The following FAXC variants were observed in gnomAD, a reference collection of about 807,000 sequenced individuals.
FAXC encodes the protein failed axon connections homolog, metaxin like GST domain containing.
In FAXC, 10 loss-of-function variants were observed where a neutral mutation model predicts 41.9. The ratio of observed to expected loss-of-function variants is 0.24; its 90% CI spans 0.15 to 0.41. The LOEUF (loss-of-function observed/expected upper bound fraction) is 0.41, where lower values mean the gene tolerates loss of function less well. FAXC is among the 10% of genes least tolerant of loss of function. The probability of loss-of-function intolerance (pLI) is 1.00; values close to 1 mark genes in which losing one functional copy is unlikely to be tolerated. For missense variants in FAXC, 399 were observed against 510.9 expected (o/e 0.78, Z 2.11); for synonymous variants, 183 against 183.8 (o/e 1.00, Z 0.03).
At chr6:99,334,994 C>T (rs185926790) in intron 2 of FAXC, among the ~76,000 whole-genome samples, 4 of 152,302 alleles carry the variant, frequency 2.6e-5, no homozygotes, top group Admixed American at 2.6e-4. Flanking sequence ...CTTTTCTCCA[C>T]CCTCTGTAAA....
At chr6:99,343,153 C>T (rs1773482670) in intron 1 of FAXC, 120 bp from the exon 2 acceptor site, 1 of 850,504 alleles carries the variant, frequency 1.2e-6, no homozygotes, top group Non-Finnish European at 1.8e-6. Context: ...ATCTGTTTGT[C>T]ACAGGGGCTT....
intron 3 of FAXC, among the ~76,000 whole-genome samples, chr6:99,329,169 T>C (rs998160593): frequency 6.6e-6 from 1 of 152,230 alleles, no homozygotes; most frequent in Non-Finnish European, 1.5e-5. Flanking sequence ...ACTTATCATT[T>C]TGAGGATCTA....
rs569265111 is a variant in FAXC, at chr6:99,276,482, T to C, written c.*4682A>G. 6.6e-6 allele frequency: 1 copy of C among 152,276 alleles called. No homozygotes were observed. The highest frequency in any genetic ancestry group is 6.5e-5 in the Admixed American group (1 of 15,294). 9.4% of individuals were successfully genotyped at this position (152,276 alleles called of 1,614,324 possible). A position where few individuals can be genotyped will look rare whatever the true frequency, so the allele number is the denominator to read the frequency against. On this transcript the variant is annotated 3_prime_UTR_variant, in exon 6 of 6. Transcript: ENST00000389677. ...ATAAATGACAAGGACAACAACAAAA[T>C]CCTATGACTTTCAAAATTCCAAACC...
intron 4 of FAXC, among the ~76,000 whole-genome samples, chr6:99,296,525 G>T (rs559999173): frequency 7.9e-5 from 12 of 152,204 alleles, no homozygotes; most frequent in African/African-American, 2.9e-4. Context: ...TCAAAGCCCC[G>T]GGTGTGAAGG....
intron 1 of FAXC, among the ~76,000 whole-genome samples, chr6:99,348,288 G>A (rs1397554240): frequency 6.6e-6 from 1 of 152,150 alleles, no homozygotes; most frequent in Non-Finnish European, 1.5e-5. Flanking sequence ...ATTAATTGAT[G>A]TATCAATTAG....
intron 4 of FAXC, among the ~76,000 whole-genome samples, chr6:99,316,268 G>A (rs17533909): frequency 0.36 from 54,755 of 151,640 alleles, 10,635 homozygotes; most frequent in Middle Eastern, 0.46. Context: ...GTTGGTGCTC[G>A]GAGAAGCTTG....
rs906977181 is a variant in FAXC, at chr6:99,299,894, G to A, written c.824-8074C>T. On this transcript the variant is annotated intron_variant, in intron 4 of 5. Coordinates refer to ENST00000389677, the MANE Select transcript of FAXC (RefSeq NM_032511.4). ...ACTATATAGATTGTGATTAGCTCAC[G>A]ATCGCCAATTAGCTCACATTCTGGG... is the stretch of plus-strand genomic sequence containing the variant. Among the ~76,000 whole-genome samples, 9 of 152,076 alleles carry A rather than the reference G, an allele frequency of 5.9e-5. No individual in the cohort carries two copies. The South Asian group carries it at 6.2e-4, about 11-fold the overall frequency.
At chr6:99,335,423 G>A (rs1023538931) in intron 2 of FAXC, among the ~76,000 whole-genome samples, 2 of 152,184 alleles carry the variant, frequency 1.3e-5, no homozygotes, top group African/African-American at 2.4e-5. Context: ...TCACAGGCAC[G>A]TTCCAGCTCA....
chr6:99,296,817 G>C (rs574104823), intron 4 of FAXC, among the ~76,000 whole-genome samples: 9 of 152,184 alleles, frequency 5.9e-5, no homozygotes, highest in African/African-American at 1.9e-4. Context: ...GAGCCCATAG[G>C]GGGAGTAGCA....
At chr6:99,296,892 T>C (rs1771519570) in intron 4 of FAXC, among the ~76,000 whole-genome samples, 2 of 152,178 alleles carry the variant, frequency 1.3e-5, no homozygotes, top group South Asian at 4.1e-4. Flanking sequence ...AAATTTCATA[T>C]GACCTCTCCT....
In FAXC at chr6:99,274,218, A is replaced by G. The variant is rs1770518981; in HGVS notation, c.*6946T>C. ...CAGAAGGGGAATGGGGGACATGAGC[A>G]TAGAAATTAAGATAAAGATAAATGT... On this transcript the variant is annotated 3_prime_UTR_variant, in exon 6 of 6. Transcript: ENST00000389677. 6.6e-6 allele frequency: 1 copy of G among 152,224 alleles called. No individual in the cohort carries two copies. The highest frequency in any genetic ancestry group is 6.5e-5 in the Admixed American group (1 of 15,276). The allele number at this position is 152,224 out of a possible 1,614,324, so 9.4% of individuals were successfully genotyped here. A position where few individuals can be genotyped will look rare whatever the true frequency, so the allele number is the denominator to read the frequency against.
At chr6:99,343,283 A>G (rs559477555) in intron 1 of FAXC, among the ~76,000 whole-genome samples, 3 of 152,302 alleles carry the variant, frequency 2.0e-5, no homozygotes, top group African/African-American at 7.2e-5. Flanking sequence ...CCACTGGCTC[A>G]GCAAAGTAAC....
At chr6:99,298,196 A>T (rs1416186584) in intron 4 of FAXC, among the ~76,000 whole-genome samples, 1 of 151,340 alleles carries the variant, frequency 6.6e-6, no homozygotes, top group Non-Finnish European at 1.5e-5. Context: ...CATTGGTCTT[A>T]AACTTGAGCA....
chr6:99,333,267 G>A, intron 3 of FAXC, 84 bp downstream of exon 3: 1 of 1,202,210 alleles, frequency 8.3e-7, no homozygotes, highest in Non-Finnish European at 1.2e-6. Context: ...GAAAACTGCT[G>A]AAACGGTGGA....
At chr6:99,333,054 T>G (rs1343005193) in intron 3 of FAXC, among the ~76,000 whole-genome samples, 6 of 152,244 alleles carry the variant, frequency 3.9e-5, no homozygotes, top group Non-Finnish European at 4.4e-5. Context: ...TTTGTTGGCA[T>G]ACTCTCTTAT....
In FAXC at chr6:99,280,272, T is replaced by C. The variant is rs1481516260; in HGVS notation, c.*892A>G. 1 of 152,366 alleles carries C rather than the reference T, an allele frequency of 6.6e-6. No homozygotes were observed. The highest frequency in any genetic ancestry group is 2.4e-5 in the African/African-American group (1 of 41,586). The allele number at this position is 152,366 out of a possible 1,614,324, so 9.4% of individuals were successfully genotyped here. On this transcript the variant is annotated 3_prime_UTR_variant, in exon 6 of 6. Coordinates refer to ENST00000389677, the MANE Select transcript of FAXC (RefSeq NM_032511.4). ...CAGCCAAGATTACAGAAAGGAATCA[T>C]GACAAAGTCCTAAGTGTACCTTTGT...
rs1290908195 is a variant in FAXC at position 99,275,157 on chromosome 6, A to C, written c.*6007T>G. 1 of 152,158 alleles carries C rather than the reference A, an allele frequency of 6.6e-6. No homozygotes were observed. Among genetic ancestry groups the C allele is most frequent in the Non-Finnish European group, 1.5e-5 (1 of 68,016 alleles). 9.4% of individuals were successfully genotyped at this position (152,158 alleles called of 1,614,324 possible). On this transcript the variant is annotated 3_prime_UTR_variant, in exon 6 of 6. Transcript: ENST00000389677. ...AGCCACAAATAAAAACAAATAAATA[A>C]AAATAAATGCATGCCAATGGGGGGT...
intron 4 of FAXC, among the ~76,000 whole-genome samples, chr6:99,314,538 C>A (rs1421035642): frequency 1.3e-5 from 2 of 152,186 alleles, no homozygotes; most frequent in African/African-American, 4.8e-5. Flanking sequence ...TGTGTCACTG[C>A]ACTACAGCCT....
Position 99,286,334 on chromosome 6 carries a change from G to A in FAXC, c.941-4881C>T, listed in dbSNP as rs72921070. Reference sequence around the variant, plus strand: ...ATACAAAAACAGGCCAAGGTAATTCGTTCCAGCCCTTTCCTGAAACCCAAA... The same window carrying A: ...ATACAAAAACAGGCCAAGGTAATTCATTCCAGCCCTTTCCTGAAACCCAAA... On this transcript the variant is annotated intron_variant, in intron 5 of 5. Coordinates refer to ENST00000389677, the MANE Select transcript of FAXC (RefSeq NM_032511.4). 1.7e-3 allele frequency among the ~76,000 whole-genome samples: 261 copies of A among 152,248 alleles called. 3 individuals carry two copies. In the Middle Eastern group the frequency reaches 0.02, roughly 12 times the overall value.
Sources: gnomAD v4.1 joint callset for allele counts (sites outside exome capture counted in the v4.1 genomes callset) on GRCh38, gnomAD v4.1.1 for gene constraint, MANE v1.5 for transcripts, NCBI Gene and HGNC (gene_info 2026-07-23, HGNC 2026-07-21) for gene names.